C2orf76: variants seen among roughly 807,000 people sequenced by gnomAD.
C2orf76 encodes chromosome 2 open reading frame 76.
A neutral mutation model predicts 16.9 loss-of-function variants in C2orf76; 23 were observed. The ratio of observed to expected loss-of-function variants is 1.36; its 90% CI spans 0.98 to 1.93. The LOEUF (loss-of-function observed/expected upper bound fraction) is 1.93. Ranked by LOEUF, C2orf76 falls within the 30% of genes most tolerant of loss-of-function variation. C2orf76 has a pLI of 0.00. For synonymous variants in C2orf76, 48 were observed against 52.3 expected (o/e 0.92, Z 0.35); for missense variants, 152 against 152.6 (o/e 1.00, Z 0.02).
At chr2:119,282,419 A>T in the C2orf76 span, among the ~76,000 whole-genome samples, 1 of 152,200 alleles carries the variant, frequency 6.6e-6, no homozygotes, top group Non-Finnish European at 1.5e-5. Flanking sequence ...ACTTCCCAGT[A>T]GGTGACTCCA....
chr2:119,334,379 CAAAAAAAAAAAAAAA>C lies in C2orf76; in HGVS notation c.133+5433_133+5447del, dbSNP rs34753333. ...AGAGTGAACCTCAATGTATGCAAAG[CAAAAAAAAAAAAAAA>C]AAAAAAAAAAGGTCGGGCACAGCGA... On this transcript the variant is annotated intron_variant, in intron 2 of 5. Transcript: ENST00000334816. Among the ~76,000 whole-genome samples the C allele has an allele frequency of 8.5e-3, 609 of 71,686 alleles. 6 individuals carry two copies. Among genetic ancestry groups the C allele is most frequent in the African/African-American group, 0.032 (575 of 17,926 alleles). 47.0% of individuals were successfully genotyped at this position (71,686 alleles called of 152,430 possible). A position where few individuals can be genotyped will look rare whatever the true frequency, so the allele number is the denominator to read the frequency against.
chr2:119,297,891 G>T (rs746589939), downstream of C2orf76, among the ~76,000 whole-genome samples: 3 of 152,168 alleles, frequency 2.0e-5, no homozygotes, highest in Non-Finnish European at 4.4e-5. Context: ...AACCTAGATG[G>T]AAATATGTCA....
At position 119,302,382 on chromosome 2, in the gene C2orf76, T is replaced by A; in HGVS notation, c.*90A>T. 1 of 582,156 alleles carries A rather than the reference T, an allele frequency of 1.7e-6. No homozygotes were observed. Among genetic ancestry groups the A allele is most frequent in the South Asian group, 2.7e-5 (1 of 36,724 alleles). The allele number at this position is 582,156 out of a possible 1,614,324, so 36.1% of individuals were successfully genotyped here. On this transcript the variant is annotated 3_prime_UTR_variant, in exon 6 of 6. Coordinates refer to ENST00000334816, the MANE Select transcript of C2orf76 (RefSeq NM_001322331.2). ...TCAAAGAGTATAGCCTGGGATTAAT[T>A]TTTTAAGATTTGTTTGTCAATTTCA...
intron 5 of C2orf76, among the ~76,000 whole-genome samples, chr2:119,309,530 G>T (rs1316825901): frequency 6.8e-6 from 1 of 147,310 alleles, no homozygotes; most frequent in Admixed American, 7.0e-5. Context: ...AGCCGTTCTC[G>T]TGCCTTAGCC....
chr2:119,288,149 T>C, the C2orf76 span, among the ~76,000 whole-genome samples: 2 of 135,990 alleles, frequency 1.5e-5, no homozygotes, highest in African/African-American at 5.8e-5. Flanking sequence ...ATCTGTAAAT[T>C]ATACTTCAAT....
intron 1 of C2orf76, among the ~76,000 whole-genome samples, chr2:119,348,990 AAAAAC>A (rs907911134): frequency 9.8e-5 from 15 of 152,358 alleles, no homozygotes; most frequent in African/African-American, 3.4e-4. Flanking sequence ...CTGGTCTCAA[AAAAAC>A]AAAACAAAAC....
the C2orf76 span, among the ~76,000 whole-genome samples, chr2:119,287,429 C>T: frequency 6.6e-5 from 10 of 152,180 alleles, no homozygotes; most frequent in Admixed American, 3.9e-4. Context: ...ACACACCGCC[C>T]GAGACCCTCT....
At chr2:119,286,795 T>G in the C2orf76 span, among the ~76,000 whole-genome samples, 1 of 151,970 alleles carries the variant, frequency 6.6e-6, no homozygotes, top group Non-Finnish European at 1.5e-5. Context: ...TGAGAAATGA[T>G]GAGGCCCAAA....
intron 5 of C2orf76, chr2:119,311,398 G>T: frequency 1.0e-6 from 1 of 985,390 alleles, no homozygotes; most frequent in Non-Finnish European, 1.2e-6. Flanking sequence ...TCTGAAAACA[G>T]CCATTTGCAT....
chr2:119,362,444 C>T (rs760468840), intron 1 of C2orf76, among the ~76,000 whole-genome samples: 2 of 152,180 alleles, frequency 1.3e-5, no homozygotes, highest in African/African-American at 2.4e-5. Context: ...AAATTCACCT[C>T]TAACAATCTA....
At chr2:119,352,267 C>T (rs575162769) in intron 1 of C2orf76, among the ~76,000 whole-genome samples, 1 of 152,288 alleles carries the variant, frequency 6.6e-6, no homozygotes, top group East Asian at 1.9e-4. Flanking sequence ...AATTTAAGTA[C>T]TGTAAAATTA....
At chr2:119,286,042 A>G in the C2orf76 span, among the ~76,000 whole-genome samples, 1 of 152,218 alleles carries the variant, frequency 6.6e-6, no homozygotes, top group African/African-American at 2.4e-5. Context: ...CCTGGCCAAC[A>G]TGGTGAAACC....
chr2:119,364,025 T>TAGAGAG (rs35180651), intron 1 of C2orf76, among the ~76,000 whole-genome samples: 14 of 143,770 alleles, frequency 9.7e-5, no homozygotes, highest in Admixed American at 6.9e-5. Context: ...CTCAAAAAAA[T>TAGAGAG]AGAGAGAGAG....
At chr2:119,286,224 CAAAAAAAAAAA>C in the C2orf76 span, among the ~76,000 whole-genome samples, 966 of 60,388 alleles carry the variant, frequency 0.016, 8 homozygotes, top group Middle Eastern at 0.12. Flanking sequence ...GACTCCATCT[CAAAAAAAAAAA>C]AAAAAAAAAA....
At chr2:119,309,936 T>G (rs1284472798) in intron 5 of C2orf76, among the ~76,000 whole-genome samples, 1 of 152,212 alleles carries the variant, frequency 6.6e-6, no homozygotes, top group Non-Finnish European at 1.5e-5. Context: ...TTAAAAAATT[T>G]TTTTACATTA....
the C2orf76 span, among the ~76,000 whole-genome samples, chr2:119,285,083 T>C: frequency 6.6e-6 from 1 of 152,204 alleles, no homozygotes; most frequent in Non-Finnish European, 1.5e-5. Context: ...ATCATTTCAT[T>C]CTTAGGTTGA....
chr2:119,304,167 G>C lies in C2orf76; in HGVS notation c.305-1619C>G, dbSNP rs556545376. Among the ~76,000 whole-genome samples the C allele has an allele frequency of 4.6e-4, 70 of 152,274 alleles. 1 individual carries two copies. In the South Asian group the frequency reaches 0.013, roughly 29 times the overall value. On this transcript the variant is annotated intron_variant, in intron 5 of 5. Coordinates refer to ENST00000334816, the MANE Select transcript of C2orf76 (RefSeq NM_001322331.2). ...AAGCAAAGCATGCCCAGAGGTAGAT[G>C]TATATAATTTGCAAGTGATTCTAAT...
At chr2:119,341,719 AG>A (rs1310584930) in intron 1 of C2orf76, among the ~76,000 whole-genome samples, 1 of 152,238 alleles carries the variant, frequency 6.6e-6, no homozygotes, top group African/African-American at 2.4e-5. Flanking sequence ...ATACAATAAA[AG>A]TAAGTACTAG....
intron 2 of C2orf76, among the ~76,000 whole-genome samples, chr2:119,327,501 C>T (rs777519683): frequency 6.6e-6 from 1 of 151,922 alleles, no homozygotes; most frequent in Non-Finnish European, 1.5e-5. Context: ...GTTTGGGTCA[C>T]GGGGGTAGAT....
Sources: allele counts gnomAD v4.1 joint callset (sites outside exome capture counted in the v4.1 genomes callset), GRCh38; gene constraint gnomAD v4.1.1; transcripts MANE v1.5; gene names NCBI Gene and HGNC (gene_info 2026-07-23, HGNC 2026-07-21).